RYR2: variants seen among roughly 807,000 people sequenced by gnomAD.
The protein encoded by RYR2 is cardiac muscle ryanodine receptor-calcium release channel.
Under a neutral mutation model 601.1 loss-of-function variants are expected in RYR2, and 227 were observed. The ratio of observed to expected loss-of-function variants is 0.38; its 90% CI spans 0.34 to 0.42. RYR2 has a LOEUF of 0.42. Ranked by LOEUF, RYR2 falls within the 10% of genes least tolerant of loss-of-function variation. The pLI, the probability that RYR2 is intolerant of heterozygous loss-of-function variation, is 1.00. For missense variants in RYR2, 4,646 were observed against 6,156.5 expected (o/e 0.75, Z 8.21); for synonymous variants, 2,223 against 2,175.1 (o/e 1.02, Z -0.61).
In RYR2 at chr1:237,631,613, A is replaced by ATTTTTTT. The variant is rs556269614; in HGVS notation, c.6555+98_6555+104dup. On this transcript the variant is annotated intron_variant, in intron 42 of 104. Transcript: ENST00000366574. ...GTATATAGATTGATATAGAATGCAG[A>ATTTTTTT]TTTTTTTTTTTTTTTTTTTTTTTTT... 189 of 208,586 alleles carry ATTTTTTT rather than the reference A, an allele frequency of 9.1e-4. 27 individuals carry two copies. The highest frequency in any genetic ancestry group is 7.2e-3 in the African/African-American group (107 of 14,846). 12.9% of individuals were successfully genotyped at this position (208,586 alleles called of 1,614,324 possible).
chr1:237,325,912 GA>G lies in RYR2; in HGVS notation c.169-4959del, dbSNP rs199919118. Among the ~76,000 whole-genome samples the G allele has an allele frequency of 1.1e-3, 173 of 152,114 alleles. 3 individuals carry two copies. The East Asian group carries it at 0.031, about 27-fold the overall frequency. On this transcript the variant is annotated intron_variant, in intron 2 of 104. Coordinates refer to ENST00000366574, the MANE Select transcript of RYR2 (RefSeq NM_001035.3). ...AGGTGGGGACCTTCACGCCGAGGGA[GA>G]AAAAAATATAAGCAAAGGCATCAGG...
intron 17 of RYR2, among the ~76,000 whole-genome samples, chr1:237,477,839 A>G (rs923487209): frequency 1.2e-4 from 18 of 152,192 alleles, no homozygotes; most frequent in Admixed American, 9.8e-4. Flanking sequence ...ATATGAACAC[A>G]GTAGTCAAAA....
At chr1:237,546,020 G>T (rs923444295) in intron 25 of RYR2, among the ~76,000 whole-genome samples, 1 of 150,024 alleles carries the variant, frequency 6.7e-6, no homozygotes. Context: ...TAAAATAAAA[G>T]AAAATACTTT....
Position 237,506,524 on chromosome 1 carries a change from T to C in RYR2, c.2614-186T>C, listed in dbSNP as rs374949307. Among the ~76,000 whole-genome samples, 1,481 of 146,188 alleles carry C rather than the reference T, an allele frequency of 0.01. 26 individuals carry two copies. Among genetic ancestry groups the C allele is most frequent in the African/African-American group, 0.034 (1,318 of 38,960 alleles). On this transcript the variant is annotated intron_variant, in intron 22 of 104. Coordinates refer to ENST00000366574, the MANE Select transcript of RYR2 (RefSeq NM_001035.3). ...CTGCACTCCAGCCTGGGCGACAGAG[T>C]GAGACTCCGTCTCAAGGGGAAAAAA...
chr1:237,063,175 C>G (rs1307867611), intron 1 of RYR2, among the ~76,000 whole-genome samples: 1 of 152,144 alleles, frequency 6.6e-6, no homozygotes, highest in Non-Finnish European at 1.5e-5. Context: ...AGCAGGCAGT[C>G]TGCAACCCAG....
At chr1:237,512,288 A>T (rs548397862) in intron 24 of RYR2, among the ~76,000 whole-genome samples, 1 of 152,192 alleles carries the variant, frequency 6.6e-6, no homozygotes, top group Non-Finnish European at 1.5e-5. Context: ...TTTCTCTAAC[A>T]ATTTTATTGT....
intron 4 of RYR2, among the ~76,000 whole-genome samples, chr1:237,358,297 G>A (rs1358052338): frequency 6.6e-6 from 1 of 152,106 alleles, no homozygotes; most frequent in African/African-American, 2.4e-5. Flanking sequence ...AACTTGTCAG[G>A]AATCGAGCTG....
chr1:237,705,731 G>A (rs912785783), intron 67 of RYR2, among the ~76,000 whole-genome samples: 23 of 152,220 alleles, frequency 1.5e-4, no homozygotes, highest in African/African-American at 5.3e-4. Flanking sequence ...CCAAGTTAGG[G>A]CATGCTCAAG....
chr1:237,609,901 A>G (rs774385769), intron 35 of RYR2, among the ~76,000 whole-genome samples: 2 of 152,010 alleles, frequency 1.3e-5, no homozygotes, highest in Non-Finnish European at 2.9e-5. Flanking sequence ...AGTTTTATTC[A>G]TTAGCATATC....
At chr1:237,757,993 A>T (rs1485460784) in intron 82 of RYR2, among the ~76,000 whole-genome samples, 2 of 152,212 alleles carry the variant, frequency 1.3e-5, no homozygotes, top group African/African-American at 4.8e-5. Context: ...GAAAACATCA[A>T]GTGTGACCTT....
chr1:237,418,408 T>A (rs1180537707), intron 11 of RYR2, among the ~76,000 whole-genome samples: 1 of 152,192 alleles, frequency 6.6e-6, no homozygotes, highest in African/African-American at 2.4e-5. Context: ...ATGAGAATAG[T>A]TTAGAGGCCT....
At chr1:237,598,536 A>G (rs894460008) in intron 34 of RYR2, among the ~76,000 whole-genome samples, 1 of 152,328 alleles carries the variant, frequency 6.6e-6, no homozygotes, top group Admixed American at 6.5e-5. Flanking sequence ...ATACATAGAC[A>G]TTAAACAACA....
chr1:237,608,796 GTTTTTT>G lies in RYR2; in HGVS notation c.4684-1947_4684-1942del, dbSNP rs33945891. ...GGAGGCAGCAAGTTCAGACTGACCT[GTTTTTT>G]TTTTTTTTTTTTTTTTTTACAAAAT... On this transcript the variant is annotated intron_variant, in intron 35 of 104. Transcript: ENST00000366574. 5.6e-4 allele frequency among the ~76,000 whole-genome samples: 67 copies of G among 119,218 alleles called. No individual in the cohort carries two copies. In the East Asian group the frequency reaches 0.011, roughly 20 times the overall value. 78.2% of individuals were successfully genotyped at this position (119,218 alleles called of 152,430 possible). A position where few individuals can be genotyped will look rare whatever the true frequency, so the allele number is the denominator to read the frequency against.
chr1:237,811,294 C>A (rs186676966), intron 100 of RYR2, among the ~76,000 whole-genome samples: 2 of 152,278 alleles, frequency 1.3e-5, no homozygotes, highest in Admixed American at 1.3e-4. Flanking sequence ...CTCGATGTTA[C>A]ATTTTGATCC....
At chr1:237,467,633 A>C (rs1039147191) in intron 16 of RYR2, among the ~76,000 whole-genome samples, 3 of 152,182 alleles carry the variant, frequency 2.0e-5, no homozygotes, top group Non-Finnish European at 2.9e-5. Flanking sequence ...AGCTCTTCTC[A>C]TGAAGTTGGC....
At chr1:237,537,317 T>G (rs1668746811) in intron 25 of RYR2, among the ~76,000 whole-genome samples, 1 of 151,868 alleles carries the variant, frequency 6.6e-6, no homozygotes, top group Non-Finnish European at 1.5e-5. Flanking sequence ...ATACAGTTGT[T>G]TTTTTGTTTG....
Position 237,655,897 on chromosome 1 carries a change from T to C in RYR2, c.8042T>C (p.Met2681Thr), listed in dbSNP as rs2148823470. 6.2e-7 allele frequency: 1 copy of C among 1,612,046 alleles called. No homozygotes were observed. Among genetic ancestry groups the C allele is most frequent in the Non-Finnish European group, 8.5e-7 (1 of 1,178,942 alleles). ...GCGGGAGCTTTGCCTCCAGACTACATGGAGTCAAATTATGTCAGTATGATG... is the reference window on the plus strand; with the variant it reads ...GCGGGAGCTTTGCCTCCAGACTACACGGAGTCAAATTATGTCAGTATGATG... ...AVAGALPPDY[M>T]ESNYVSMMEK... The change falls in exon 53 of 105, where the codon ATG becomes ACG. Residue 2681 changes from methionine to threonine, a missense_variant. Physicochemically the swap from Met to Thr is moderately conservative, Grantham distance 81. Around this residue, in one of 17 missense-constraint regions of RYR2, gnomAD observed 1,497 missense variants for 1,842.6 expected, o/e 0.81. Coordinates refer to ENST00000366574, the MANE Select transcript of RYR2 (RefSeq NM_001035.3).
At position 237,658,026 on chromosome 1, in the gene RYR2, A is replaced by G; in HGVS notation, c.8208+4A>G. 6.8e-7 allele frequency: 1 copy of G among 1,464,698 alleles called. No homozygotes were observed. The allele number at this position is 1,464,698 out of a possible 1,614,324, so 90.7% of individuals were successfully genotyped here. A position where few individuals can be genotyped will look rare whatever the true frequency, so the allele number is the denominator to read the frequency against. On this transcript the variant is annotated splice_donor_region_variant and intron_variant, in intron 54 of 104. Coordinates refer to ENST00000366574, the MANE Select transcript of RYR2 (RefSeq NM_001035.3). ...TGACAAATGGTCAATGGACAAGGTAAAAAGAGTATTACATTCTAATTCAGT... is the reference window on the plus strand; with the variant it reads ...TGACAAATGGTCAATGGACAAGGTAGAAAGAGTATTACATTCTAATTCAGT...
At chr1:237,469,473 G>T (rs1413646498) in intron 17 of RYR2, among the ~76,000 whole-genome samples, 1 of 151,832 alleles carries the variant, frequency 6.6e-6, no homozygotes, top group Non-Finnish European at 1.5e-5. Context: ...TAATATAAGT[G>T]TTTTCCTTTT....
Sources: gnomAD v4.1 joint callset for allele counts (sites outside exome capture counted in the v4.1 genomes callset) on GRCh38, gnomAD v4.1.1 for gene constraint, gnomAD v4.1.1 regional missense constraint, MANE v1.5 for transcripts, NCBI Gene and HGNC (gene_info 2026-07-23, HGNC 2026-07-21) for gene names.